Variants in SNX25 observed in about 807,000 individuals in gnomAD.
The protein encoded by SNX25 is sorting nexin-25.
SNX25 carries 62 observed loss-of-function variants against 113.7 expected under a neutral mutation model. The observed-to-expected ratio is 0.55, with a 90% CI of 0.44 to 0.67. The LOEUF (loss-of-function observed/expected upper bound fraction) is 0.67. Among genes scored for constraint, SNX25 ranks in the 30% least tolerant of loss-of-function variants. The probability of loss-of-function intolerance (pLI) is 0.00; values close to 1 mark genes in which losing one functional copy is unlikely to be tolerated. For synonymous variants in SNX25, 421 were observed against 436.2 expected (o/e 0.97, Z 0.43); for missense variants, 1,014 against 1,161.0 (o/e 0.87, Z 1.84).
intron 6 of SNX25, among the ~76,000 whole-genome samples, chr4:185,301,985 T>C (rs1174844375): frequency 2.0e-5 from 3 of 151,994 alleles, no homozygotes; most frequent in Admixed American, 1.3e-4. Context: ...CTGCAACCTC[T>C]GCCTCCTGGG....
At chr4:185,323,892 ACATCTT>A in intron 9 of SNX25, 92 bp downstream of exon 9, 1 of 1,353,662 alleles carries the variant, frequency 7.4e-7, no homozygotes, top group South Asian at 1.3e-5. Flanking sequence ...AATTTGATGC[ACATCTT>A]CATCTTTTAA....
intron 2 of SNX25, among the ~76,000 whole-genome samples, chr4:185,251,598 C>CGT (rs71593618): frequency 0.2 from 29,652 of 146,786 alleles, 2,932 homozygotes; most frequent in African/African-American, 0.23. Context: ...TATTCCATTG[C>CGT]GTGTGTGTGT....
chr4:185,289,377 T>C (rs1429712553), intron 6 of SNX25, among the ~76,000 whole-genome samples: 1 of 152,180 alleles, frequency 6.6e-6, no homozygotes. Context: ...GGGAGGCTAA[T>C]TCTGCATTCA....
chr4:185,301,931 G>C (rs1314806953), intron 6 of SNX25, among the ~76,000 whole-genome samples: 2 of 141,252 alleles, frequency 1.4e-5, no homozygotes, highest in East Asian at 4.5e-4. Flanking sequence ...ATGGAGTCTT[G>C]CTCTGTCACC....
intron 6 of SNX25, among the ~76,000 whole-genome samples, chr4:185,309,510 T>C (rs946945291): frequency 6.6e-6 from 1 of 152,294 alleles, no homozygotes; most frequent in Non-Finnish European, 1.5e-5. Context: ...CAAACCTGCT[T>C]TTTCTCCAGT....
At chr4:185,227,001 C>T (rs1261697359) in intron 1 of SNX25, among the ~76,000 whole-genome samples, 1 of 152,198 alleles carries the variant, frequency 6.6e-6, no homozygotes, top group East Asian at 1.9e-4. Context: ...CCTCCAGGAC[C>T]ATTTCTCTGT....
intron 1 of SNX25, among the ~76,000 whole-genome samples, chr4:185,220,688 G>A (rs951921735): frequency 6.6e-6 from 1 of 151,872 alleles, no homozygotes; most frequent in Admixed American, 6.6e-5. Context: ...CACCATGTTA[G>A]CCAGGATGGT....
At chr4:185,224,679 ATAAT>A (rs947805132) in intron 1 of SNX25, among the ~76,000 whole-genome samples, 42 of 148,524 alleles carry the variant, frequency 2.8e-4, no homozygotes, top group Non-Finnish European at 5.2e-4. Flanking sequence ...AAATATATAA[ATAAT>A]TATGAATTCA....
At chr4:185,318,462 A>C (rs2095092741) in intron 7 of SNX25, among the ~76,000 whole-genome samples, 1 of 152,160 alleles carries the variant, frequency 6.6e-6, no homozygotes, top group Admixed American at 6.5e-5. Flanking sequence ...TAAAACAGCA[A>C]ACAAGTAGAT....
intron 9 of SNX25, among the ~76,000 whole-genome samples, chr4:185,330,378 A>G (rs965079455): frequency 6.6e-6 from 1 of 152,144 alleles, no homozygotes; most frequent in African/African-American, 2.4e-5. Context: ...TTTGTGGTTT[A>G]TGATCTTGCT....
At chr4:185,355,021 T>A (rs2095332997) in intron 15 of SNX25, among the ~76,000 whole-genome samples, 1 of 152,258 alleles carries the variant, frequency 6.6e-6, no homozygotes. Context: ...CAGTTGGTCT[T>A]ACATAGGAAA....
chr4:185,244,629 C>T (rs1232351296), intron 1 of SNX25, among the ~76,000 whole-genome samples: 2 of 152,032 alleles, frequency 1.3e-5, no homozygotes, highest in East Asian at 3.8e-4. Context: ...TTTAAAAGGT[C>T]ACATGATTTT....
intron 16 of SNX25, among the ~76,000 whole-genome samples, chr4:185,360,930 A>AGTATATATATATATATATATATATATAT (rs1491260048): frequency 7.2e-6 from 1 of 139,610 alleles, no homozygotes; most frequent in Admixed American, 7.0e-5. Flanking sequence ...AAAAAAAAAT[A>AGTATATATATATATATATATATATATAT]ATATATATAT....
At chr4:185,319,289 C>T (rs2095101477) in intron 7 of SNX25, among the ~76,000 whole-genome samples, 1 of 147,604 alleles carries the variant, frequency 6.8e-6, no homozygotes, top group African/African-American at 2.5e-5. Context: ...CCTCTGCCTC[C>T]TGGGTTCAAG....
chr4:185,247,426 A>G (rs1745017208), intron 2 of SNX25, 48 bp downstream of exon 2: 1 of 1,282,422 alleles, frequency 7.8e-7, no homozygotes, highest in South Asian at 1.2e-5. Flanking sequence ...GCAATTCATT[A>G]TGTTCTAAGA....
At chr4:185,286,412 G>A (rs766270435) in intron 5 of SNX25, among the ~76,000 whole-genome samples, 1 of 152,134 alleles carries the variant, frequency 6.6e-6, no homozygotes, top group Non-Finnish European at 1.5e-5. Flanking sequence ...TGCCCGGCCT[G>A]GCCTGTGGCT....
intron 2 of SNX25, among the ~76,000 whole-genome samples, chr4:185,251,966 TTTTC>T (rs1745732643): frequency 6.6e-6 from 1 of 152,144 alleles, no homozygotes; most frequent in South Asian, 2.1e-4. Flanking sequence ...TTGCTTTTTT[TTTTC>T]TTTTTTTTTA....
At chr4:185,368,852 G>C (rs952884182), downstream of SNX25, among the ~76,000 whole-genome samples, 1 of 150,070 alleles carries the variant, frequency 6.7e-6, no homozygotes, top group Non-Finnish European at 1.5e-5. Context: ...GGAGTGCAGC[G>C]GCACAGCCTC....
intron 2 of SNX25, among the ~76,000 whole-genome samples, chr4:185,251,624 TG>T (rs1745673209): frequency 9.7e-6 from 1 of 102,682 alleles, no homozygotes; most frequent in Non-Finnish European, 2.5e-5. Flanking sequence ...TGTGTGTGTG[TG>T]TGTGTGTGTG....
Sources: allele counts gnomAD v4.1 joint callset (sites outside exome capture counted in the v4.1 genomes callset), GRCh38; gene constraint gnomAD v4.1.1; transcripts MANE v1.5; gene names NCBI Gene and HGNC (gene_info 2026-07-23, HGNC 2026-07-21).